Variants in MALRD1 observed in about 807,000 individuals in gnomAD.
MALRD1 encodes the protein MAM and LDL-receptor class A domain-containing protein 1.
Under a neutral mutation model 242.1 loss-of-function variants are expected in MALRD1, and 247 were observed. That is an observed-to-expected ratio of 1.02 (90% CI 0.92 to 1.13). MALRD1 has a LOEUF of 1.13. MALRD1 is among the 50% of genes most tolerant of loss of function. MALRD1 has a pLI of 0.00. For synonymous variants in MALRD1, 995 were observed against 866.6 expected (o/e 1.15, Z -2.60); for missense variants, 2,989 against 2,533.1 (o/e 1.18, Z -3.86).
intron 21 of MALRD1, among the ~76,000 whole-genome samples, chr10:19,287,695 A>G (rs973603683): frequency 6.6e-6 from 1 of 152,134 alleles, no homozygotes; most frequent in Admixed American, 6.6e-5. Context: ...AAAATTGCAT[A>G]CATAAATTTA....
At chr10:19,152,913 AAT>A (rs1833995696) in intron 11 of MALRD1, among the ~76,000 whole-genome samples, 1 of 152,208 alleles carries the variant, frequency 6.6e-6, no homozygotes, top group Middle Eastern at 3.2e-3. Context: ...TTGTGACAGA[AAT>A]ATGTCATTTC....
intron 36 of MALRD1, among the ~76,000 whole-genome samples, chr10:19,661,380 C>T (rs1438216504): frequency 6.6e-6 from 1 of 152,114 alleles, no homozygotes; most frequent in African/African-American, 2.4e-5. Flanking sequence ...GACTTGGAAC[C>T]AACCCAAATG....
At chr10:19,356,206 C>A (rs1261557370) in intron 26 of MALRD1, among the ~76,000 whole-genome samples, 5 of 151,744 alleles carry the variant, frequency 3.3e-5, no homozygotes, top group African/African-American at 1.2e-4. Context: ...TATGAAGTTA[C>A]AGAACATCTT....
rs186325376 is a variant in MALRD1, at chr10:19,611,560, G to A, written c.6070+3658G>A. On this transcript the variant is annotated intron_variant, in intron 35 of 39. Coordinates refer to ENST00000454679, the MANE Select transcript of MALRD1 (RefSeq NM_001142308.3). ...AACCAACACAAAGGGGTACAAACCAGAGAGACATTGCTGTGGCTAAAGATT... is the reference window on the plus strand; with the variant it reads ...AACCAACACAAAGGGGTACAAACCAAAGAGACATTGCTGTGGCTAAAGATT... Among the ~76,000 whole-genome samples, 6 of 152,080 alleles carry A rather than the reference G, an allele frequency of 3.9e-5. No homozygotes were observed. In the East Asian group the frequency reaches 9.7e-4, roughly 25 times the overall value.
At chr10:19,547,819 T>TATATATATATATACA (rs1491504993) in intron 32 of MALRD1, among the ~76,000 whole-genome samples, 1 of 12,542 alleles carries the variant, frequency 8.0e-5, no homozygotes, top group Non-Finnish European at 1.7e-4. Context: ...TATATATATA[T>TATATATATATATACA]TTTTTTTTTT....
chr10:19,165,124 A>G (rs1324273838), intron 12 of MALRD1, among the ~76,000 whole-genome samples: 3 of 151,394 alleles, frequency 2.0e-5, no homozygotes, highest in Non-Finnish European at 4.4e-5. Flanking sequence ...ATTTGTAAGA[A>G]GCCAGAGAGA....
chr10:19,275,636 T>A (rs1226939323), intron 19 of MALRD1, among the ~76,000 whole-genome samples: 2 of 151,752 alleles, frequency 1.3e-5, no homozygotes, highest in Non-Finnish European at 2.9e-5. Context: ...GACACTGCAC[T>A]CCAGCCTGGG....
chr10:19,566,502 G>C (rs1300101184), intron 32 of MALRD1, among the ~76,000 whole-genome samples: 2 of 151,474 alleles, frequency 1.3e-5, no homozygotes, highest in African/African-American at 4.8e-5. Context: ...GACACAGTAA[G>C]ATTTTTTAGT....
At chr10:19,704,529 G>C (rs1281215274) in intron 38 of MALRD1, among the ~76,000 whole-genome samples, 1 of 152,106 alleles carries the variant, frequency 6.6e-6, no homozygotes, top group Non-Finnish European at 1.5e-5. Flanking sequence ...CTTTAATAGG[G>C]CTTCAAGATA....
At chr10:19,436,186 T>C (rs187642837) in intron 28 of MALRD1, among the ~76,000 whole-genome samples, 1 of 152,164 alleles carries the variant, frequency 6.6e-6, no homozygotes, top group Non-Finnish European at 1.5e-5. Flanking sequence ...GGTGCTTTTG[T>C]TGGAGAATAA....
In MALRD1 at chr10:19,238,490, TAA is replaced by T. The variant is rs1564492675; in HGVS notation, c.2992-19193_2992-19192del. 4.0e-3 allele frequency among the ~76,000 whole-genome samples: 38 copies of T among 9,498 alleles called. 1 individual carries two copies. Among genetic ancestry groups the T allele is most frequent in the South Asian group, 0.037 (9 of 246 alleles). 6.2% of individuals were successfully genotyped at this position (9,498 alleles called of 152,430 possible). A position where few individuals can be genotyped will look rare whatever the true frequency, so the allele number is the denominator to read the frequency against. Reference sequence around the variant, plus strand: ...TATAATATATAATATACATTATATATAATATATAATATAATATATAATGTATA... The same window carrying T: ...TATAATATATAATATACATTATATATTATATAATATAATATATAATGTATA... On this transcript the variant is annotated intron_variant, in intron 18 of 39. Coordinates refer to ENST00000454679, the MANE Select transcript of MALRD1 (RefSeq NM_001142308.3).
intron 18 of MALRD1, among the ~76,000 whole-genome samples, chr10:19,242,072 A>G (rs2131747502): frequency 6.6e-6 from 1 of 152,276 alleles, no homozygotes; most frequent in Non-Finnish European, 1.5e-5. Flanking sequence ...TACTGCTGAT[A>G]AAGACATACC....
At chr10:19,411,854 A>T (rs1277119537) in intron 28 of MALRD1, among the ~76,000 whole-genome samples, 1 of 152,242 alleles carries the variant, frequency 6.6e-6, no homozygotes, top group Non-Finnish European at 1.5e-5. Context: ...GATGGAAAAA[A>T]TGTTGCAACT....
intron 14 of MALRD1, among the ~76,000 whole-genome samples, chr10:19,189,990 AAAAT>A (rs1448236163): frequency 6.6e-6 from 1 of 152,136 alleles, no homozygotes; most frequent in Non-Finnish European, 1.5e-5. Context: ...AACAAAAAAG[AAAAT>A]AATAGGAATA....
intron 32 of MALRD1, among the ~76,000 whole-genome samples, chr10:19,538,346 A>G (rs376215040): frequency 2.6e-5 from 4 of 152,308 alleles, no homozygotes; most frequent in Admixed American, 6.5e-5. Context: ...GAATTAGAGA[A>G]CAATGCTAAT....
chr10:19,497,214 G>T (rs1388195338), intron 30 of MALRD1, among the ~76,000 whole-genome samples: 2 of 151,912 alleles, frequency 1.3e-5, no homozygotes, highest in Non-Finnish European at 2.9e-5. Context: ...TCCATTGCAA[G>T]ATTCTGAATT....
chr10:19,391,679 C>G (rs1390846404), intron 28 of MALRD1, among the ~76,000 whole-genome samples: 1 of 152,210 alleles, frequency 6.6e-6, no homozygotes, highest in Admixed American at 6.5e-5. Flanking sequence ...CAGAACTTTC[C>G]TTGGCCACAT....
intron 28 of MALRD1, among the ~76,000 whole-genome samples, chr10:19,448,919 C>A (rs764423878): frequency 3.2e-4 from 49 of 151,978 alleles, no homozygotes; most frequent in Admixed American, 8.5e-4. Context: ...TTTATTACAT[C>A]CATCAGGGAT....
chr10:19,538,906 G>A (rs1269587600), intron 32 of MALRD1, among the ~76,000 whole-genome samples: 1 of 152,060 alleles, frequency 6.6e-6, no homozygotes, highest in Non-Finnish European at 1.5e-5. Context: ...GTGTTGAAAT[G>A]GTCTCTATCT....
Sources: gnomAD v4.1 joint callset for allele counts (sites outside exome capture counted in the v4.1 genomes callset) on GRCh38, gnomAD v4.1.1 for gene constraint, MANE v1.5 for transcripts, NCBI Gene and HGNC (gene_info 2026-07-23, HGNC 2026-07-21) for gene names.